The following CEP72 variants were observed in gnomAD, a reference collection of about 807,000 sequenced individuals.
CEP72 encodes centrosomal protein of 72 kDa.
Under a neutral mutation model 65.7 loss-of-function variants are expected in CEP72, and 78 were observed. The observed-to-expected ratio is 1.19, with a 90% confidence interval of 0.99 to 1.43. CEP72 has a LOEUF of 1.43. Among genes scored for constraint, CEP72 ranks in the 40% most tolerant of loss-of-function variants. The probability of loss-of-function intolerance (pLI) is 0.00; values close to 1 mark genes in which losing one functional copy is unlikely to be tolerated. For synonymous variants in CEP72, 358 were observed against 351.7 expected (o/e 1.02, Z -0.20); for missense variants, 914 against 832.9 (o/e 1.10, Z -1.20).
At chr5:648,016 C>T (rs1203004776) in intron 11 of CEP72, 100 bp downstream of exon 11, 2 of 697,280 alleles carry the variant, frequency 2.9e-6, no homozygotes, top group Non-Finnish European at 5.0e-6. Flanking sequence ...CACAGAGGAG[C>T]AGCTCCTCAT....
chr5:616,297 T>C (rs1024146716), intron 1 of CEP72, among the ~76,000 whole-genome samples: 10 of 152,212 alleles, frequency 6.6e-5, no homozygotes, highest in African/African-American at 2.4e-4. Context: ...TGTTATTGTA[T>C]TTTTCTTTGA....
At chr5:666,690 G>A (rs1739930842) in intron 4 of CEP72, among the ~76,000 whole-genome samples, 1 of 152,142 alleles carries the variant, frequency 6.6e-6, no homozygotes, top group Non-Finnish European at 1.5e-5. Flanking sequence ...AGCCCGGTGG[G>A]CCGGAGGTGC....
chr5:669,760 C>A (rs1306221286), downstream of CEP72, among the ~76,000 whole-genome samples: 1 of 152,080 alleles, frequency 6.6e-6, no homozygotes, highest in Non-Finnish European at 1.5e-5. Context: ...GCGCCCGGGT[C>A]TCTGCCCCAC....
At chr5:675,459 AGCACAGGGGGTG>A in the CEP72 span, among the ~76,000 whole-genome samples, 5 of 32,434 alleles carry the variant, frequency 1.5e-4, no homozygotes, top group African/African-American at 5.0e-4. Context: ...GCTGGGGTGC[AGCACAGGGGGTG>A]CAGTGTGGCC....
At chr5:619,172 C>T (rs1421226321) in intron 2 of CEP72, 55 bp downstream of exon 2, 1 of 1,517,796 alleles carries the variant, frequency 6.6e-7, no homozygotes. Context: ...AGTGGAAAGT[C>T]CATTCACAGC....
At chr5:642,464 A>G (rs940399803) in intron 9 of CEP72, 12 of 985,328 alleles carry the variant, frequency 1.2e-5, no homozygotes, top group Non-Finnish European at 1.3e-5. Context: ...GTCACTGATG[A>G]TGTCTTTTCT....
chr5:663,693 GCCTGGCCCTGGGCAGCCCTCTGC>G (rs1488914717), intron 2 of CEP72: 1 of 152,390 alleles, frequency 6.6e-6, no homozygotes, highest in Non-Finnish European at 1.5e-5. Context: ...TGTACTGTGA[GCCTGGCCCTGGGCAGCCCTCTGC>G]CCTGGCCAGA....
chr5:634,419 A>G (rs1345950663), intron 5 of CEP72, among the ~76,000 whole-genome samples: 1 of 152,188 alleles, frequency 6.6e-6, no homozygotes, highest in Non-Finnish European at 1.5e-5. Context: ...CTTTAGCTTC[A>G]TTTATTCCAC....
At chr5:672,558 GC>G in the CEP72 span, among the ~76,000 whole-genome samples, 1 of 152,264 alleles carries the variant, frequency 6.6e-6, no homozygotes, top group Admixed American at 6.5e-5. Flanking sequence ...GGGCCAGTGA[GC>G]AAGGCTGGCA....
chr5:648,072 T>C (rs182457162), intron 11 of CEP72, among the ~76,000 whole-genome samples, 156 bp downstream of exon 11: 117 of 152,382 alleles, frequency 7.7e-4, no homozygotes, highest in African/African-American at 2.7e-3. Context: ...TTTGAAACTT[T>C]CATAAACTTT....
chr5:618,270 G>A lies in CEP72; in HGVS notation c.83-720G>A, dbSNP rs374182105. Among the ~76,000 whole-genome samples, 8 of 152,298 alleles carry A rather than the reference G, an allele frequency of 5.3e-5. 1 individual carries two copies. Among genetic ancestry groups the A allele is most frequent in the Admixed American group, 3.9e-4 (6 of 15,296 alleles). Reference sequence around the variant, plus strand: ...GAAACTTCAGGTACGTTCCTTGCTCGTCAGTGCTGATATTCCAACTCCAAA... The same window carrying A: ...GAAACTTCAGGTACGTTCCTTGCTCATCAGTGCTGATATTCCAACTCCAAA... On this transcript the variant is annotated intron_variant, in intron 1 of 11. Transcript: ENST00000264935.
chr5:612,571 G>C lies in CEP72; in HGVS notation c.82+128G>C, dbSNP rs1579909398. 3.2e-6 allele frequency: 4 copies of C among 1,233,610 alleles called. No individual in the cohort carries two copies. In the East Asian group the frequency reaches 1.0e-4, roughly 31 times the overall value. 76.4% of individuals were successfully genotyped at this position (1,233,610 alleles called of 1,614,324 possible). On this transcript the variant is annotated intron_variant, in intron 1 of 11. Coordinates refer to ENST00000264935, the MANE Select transcript of CEP72 (RefSeq NM_018140.4). ...CGCAGGCGCCGCGGGCGTCCGGAAC[G>C]GTCGCGGGCGAGCGGGGCGCGCGTG... is the stretch of plus-strand genomic sequence containing the variant.
At chr5:654,322 TTGTG>T (rs1491587482), downstream of CEP72, among the ~76,000 whole-genome samples, 1 of 145,646 alleles carries the variant, frequency 6.9e-6, no homozygotes, top group African/African-American at 2.5e-5. Context: ...GTGTGTACGC[TTGTG>T]TGTGCGCTGT....
intron 3 of CEP72, among the ~76,000 whole-genome samples, chr5:620,687 A>C (rs1209217724): frequency 1.3e-5 from 2 of 152,232 alleles, no homozygotes; most frequent in African/African-American, 4.8e-5. Context: ...CAGGACAAGC[A>C]GCTCATTGTC....
Position 642,420 on chromosome 5 carries a change from CGTGACCGGCT to C in CEP72, c.1539+1819_1539+1828del, listed in dbSNP as rs1738116786. On this transcript the variant is annotated intron_variant, in intron 9 of 11. Coordinates refer to ENST00000264935, the MANE Select transcript of CEP72 (RefSeq NM_018140.4). The stretch of plus-strand genomic sequence containing the variant: ...CTGGAAGCCTTTATACTGAAACACA[CGTGACCGGCT>C]GTCTGGAAAGTGAGCTGGGCGCCGT... 1.4e-5 allele frequency: 14 copies of C among 985,476 alleles called. No individual in the cohort carries two copies. In the South Asian group the frequency reaches 6.1e-4, roughly 43 times the overall value. The allele number at this position is 985,476 out of a possible 1,614,324, so 61.0% of individuals were successfully genotyped here.
At chr5:668,598 C>T (rs138577668), downstream of CEP72, among the ~76,000 whole-genome samples, 81 of 152,360 alleles carry the variant, frequency 5.3e-4, no homozygotes, top group African/African-American at 1.6e-3. Flanking sequence ...GTGGGGGCCT[C>T]GTCCACACCC....
Position 633,765 on chromosome 5 carries a change from A to T in CEP72, c.513-4A>T. ...GATGCTGATGAGTTTGCTTTTCCTT[A>T]CAGACCACACCACCCCAGAGCCAAG... On this transcript the variant is annotated splice_polypyrimidine_tract_variant and splice_region_variant and intron_variant, in intron 4 of 11. Coordinates refer to ENST00000264935, the MANE Select transcript of CEP72 (RefSeq NM_018140.4). The T allele has an allele frequency of 3.1e-6, 5 of 1,613,764 alleles. No homozygotes were observed. Among genetic ancestry groups the T allele is most frequent in the Non-Finnish European group, 4.2e-6 (5 of 1,179,906 alleles).
intron 11 of CEP72, among the ~76,000 whole-genome samples, chr5:649,703 TG>T (rs1345544468): frequency 6.1e-3 from 157 of 25,706 alleles, no homozygotes; most frequent in African/African-American, 0.02. Flanking sequence ...CTGTGAGGCG[TG>T]GACTGTGAGG....
chr5:613,304 G>A (rs1735790789), intron 1 of CEP72, among the ~76,000 whole-genome samples: 1 of 152,148 alleles, frequency 6.6e-6, no homozygotes, highest in Non-Finnish European at 1.5e-5. Flanking sequence ...CAGAGAAAGA[G>A]TTTAAGGCTG....
Sources: allele counts gnomAD v4.1 joint callset (sites outside exome capture counted in the v4.1 genomes callset), GRCh38; gene constraint gnomAD v4.1.1; transcripts MANE v1.5; gene names NCBI Gene and HGNC (gene_info 2026-07-23, HGNC 2026-07-21).